The following FAM174A variants were observed in gnomAD, a reference collection of about 807,000 sequenced individuals.
FAM174A encodes the protein membrane protein FAM174A.
Under a neutral mutation model 14.3 loss-of-function variants are expected in FAM174A, and 14 were observed. The observed-to-expected ratio is 0.98, with a 90% CI of 0.65 to 1.53. The LOEUF (loss-of-function observed/expected upper bound fraction) is 1.53. FAM174A is among the 40% of genes most tolerant of loss of function. The pLI is 0.00. For synonymous variants in FAM174A, 108 were observed against 111.4 expected (o/e 0.97, Z 0.19); for missense variants, 241 against 249.6 (o/e 0.97, Z 0.23).
intron 1 of FAM174A, among the ~76,000 whole-genome samples, chr5:100,548,239 G>T (rs569713907): frequency 2.0e-5 from 3 of 152,022 alleles, no homozygotes; most frequent in Non-Finnish European, 4.4e-5. Context: ...GGGCTCAATT[G>T]CTCTCTAAAC....
chr5:100,581,368 A>G, intron 2 of FAM174A: 1 of 985,342 alleles, frequency 1.0e-6, no homozygotes, highest in Non-Finnish European at 1.2e-6. Flanking sequence ...ATTCCTGAGA[A>G]AGAGCAACTG....
intron 1 of FAM174A, among the ~76,000 whole-genome samples, chr5:100,542,114 A>G (rs778257823): frequency 3.9e-5 from 6 of 152,276 alleles, no homozygotes; most frequent in Middle Eastern, 3.4e-3. Context: ...TTCACCTCCC[A>G]ACTGACAGTG....
chr5:100,556,850 G>C (rs911619428), intron 1 of FAM174A, among the ~76,000 whole-genome samples: 1 of 152,134 alleles, frequency 6.6e-6, no homozygotes, highest in East Asian at 1.9e-4. Context: ...GGGCTGAGAC[G>C]ATGGGGTTTT....
chr5:100,560,557 T>C lies in FAM174A; in HGVS notation c.435-1497T>C, dbSNP rs114449967. ...TTGTTTGTACTCACACTTAGTAACATTTTGTAAATTTTAACACTGAGACCA... is the reference window on the plus strand; with the variant it reads ...TTGTTTGTACTCACACTTAGTAACACTTTGTAAATTTTAACACTGAGACCA... On this transcript the variant is annotated intron_variant, in intron 1 of 2. Coordinates refer to ENST00000312637, the MANE Select transcript of FAM174A (RefSeq NM_198507.3). Among the ~76,000 whole-genome samples the C allele has an allele frequency of 5.0e-3, 762 of 152,150 alleles. 8 individuals are homozygous for C. Among genetic ancestry groups the C allele is most frequent in the African/African-American group, 0.017 (712 of 41,528 alleles).
chr5:100,556,620 A>G (rs1406150233), intron 1 of FAM174A, among the ~76,000 whole-genome samples: 1 of 152,060 alleles, frequency 6.6e-6, no homozygotes, highest in East Asian at 1.9e-4. Context: ...TATTTCATTG[A>G]GCAGTGGTTT....
chr5:100,536,565 G>C (rs945186591), intron 1 of FAM174A, among the ~76,000 whole-genome samples: 9 of 152,030 alleles, frequency 5.9e-5, no homozygotes, highest in Non-Finnish European at 1.0e-4. Context: ...CCTTTAATCT[G>C]CCACCTAAGT....
chr5:100,557,066 A>G (rs1427123422), intron 1 of FAM174A, among the ~76,000 whole-genome samples: 3 of 152,170 alleles, frequency 2.0e-5, no homozygotes, highest in African/African-American at 7.2e-5. Flanking sequence ...TCAGTATGAT[A>G]TCAGCTGTGG....
rs1336487357 is a variant in FAM174A, at chr5:100,535,726, C to T, written c.196C>T (p.Pro66Ser). 1.2e-6 allele frequency: 2 copies of T among 1,604,814 alleles called. No homozygotes were observed. The highest frequency in any genetic ancestry group is 1.7e-5 in the Admixed American group (1 of 59,548). ...ACCGGGCCCTACCCCTGCCCAGCAG[C>T]CGGGCCGTGGTCTGGCTGAAGCTGC... ...LPPGPTPAQQ[P>S]GRGLAEAAGP... Residue 66 changes from proline (P) to serine (S), a missense_variant, in exon 1 of 3, where the codon CCG becomes TCG. Transcript: ENST00000312637.
chr5:100,566,141 G>GATATATATATATATATAT (rs60895683), intron 2 of FAM174A, among the ~76,000 whole-genome samples: 58 of 81,782 alleles, frequency 7.1e-4, no homozygotes, highest in South Asian at 1.0e-3. Flanking sequence ...TGAAAAGTAT[G>GATATATATATATATATAT]ATATATATAT....
chr5:100,561,530 T>A (rs1746521535), intron 1 of FAM174A, among the ~76,000 whole-genome samples: 1 of 151,942 alleles, frequency 6.6e-6, no homozygotes, highest in Non-Finnish European at 1.5e-5. Flanking sequence ...TTGCTGTACA[T>A]TTTGATTCAG....
At chr5:100,580,879 C>G (rs758538160) in intron 2 of FAM174A, among the ~76,000 whole-genome samples, 3 of 152,056 alleles carry the variant, frequency 2.0e-5, no homozygotes, top group African/African-American at 4.8e-5. Flanking sequence ...AAGATTATAC[C>G]GTGTACTCCT....
intron 1 of FAM174A, among the ~76,000 whole-genome samples, chr5:100,550,490 T>C (rs1162192768): frequency 6.6e-6 from 1 of 152,150 alleles, no homozygotes; most frequent in Admixed American, 6.6e-5. Flanking sequence ...TATATTTTAC[T>C]CAATTAATTT....
intron 2 of FAM174A, among the ~76,000 whole-genome samples, chr5:100,572,233 CTT>C (rs566594533): frequency 4.2e-4 from 53 of 127,608 alleles, no homozygotes; most frequent in African/African-American, 1.4e-3. Flanking sequence ...TATGTAATAT[CTT>C]TTTTTTTTTT....
chr5:100,559,000 T>C (rs1261856978), intron 1 of FAM174A, among the ~76,000 whole-genome samples: 1 of 152,200 alleles, frequency 6.6e-6, no homozygotes, highest in South Asian at 2.1e-4. Context: ...CTGGTTATTC[T>C]GCTCCTTAGT....
intron 2 of FAM174A, among the ~76,000 whole-genome samples, chr5:100,584,267 G>C (rs781643182): frequency 6.6e-6 from 1 of 152,158 alleles, no homozygotes; most frequent in African/African-American, 2.4e-5. Context: ...GCATGAAACA[G>C]TACTGTTAGC....
At chr5:100,583,981 A>G (rs570358647) in intron 2 of FAM174A, among the ~76,000 whole-genome samples, 26 of 152,306 alleles carry the variant, frequency 1.7e-4, no homozygotes, top group South Asian at 6.2e-4. Context: ...GACCACTTCA[A>G]TGCCTTCAGT....
At chr5:100,574,130 GA>G (rs1255657006) in intron 2 of FAM174A, among the ~76,000 whole-genome samples, 1 of 152,094 alleles carries the variant, frequency 6.6e-6, no homozygotes, top group Non-Finnish European at 1.5e-5. Flanking sequence ...CACTGAATTG[GA>G]TTCTAAAGGA....
At chr5:100,558,874 G>C (rs535147600) in intron 1 of FAM174A, among the ~76,000 whole-genome samples, 61 of 152,096 alleles carry the variant, frequency 4.0e-4, no homozygotes, top group South Asian at 1.7e-3. Context: ...ACACTGATGG[G>C]TCTTGACTCT....
At chr5:100,558,197 C>G (rs538567854) in intron 1 of FAM174A, among the ~76,000 whole-genome samples, 1 of 152,182 alleles carries the variant, frequency 6.6e-6, no homozygotes, top group East Asian at 1.9e-4. Flanking sequence ...CGTTATGTAC[C>G]CAGTAGTCAT....
Sources: allele counts gnomAD v4.1 joint callset (sites outside exome capture counted in the v4.1 genomes callset), GRCh38; gene constraint gnomAD v4.1.1; transcripts MANE v1.5; gene names NCBI Gene and HGNC (gene_info 2026-07-23, HGNC 2026-07-21).